The following SPIN2A variants were observed in gnomAD, a reference collection of about 807,000 sequenced individuals.
The protein encoded by SPIN2A is spindlin family member 2A.
A neutral mutation model predicts 9.2 loss-of-function variants in SPIN2A; 4 were observed. The observed-to-expected ratio is 0.44, with a 90% CI of 0.21 to 1.00. The LOEUF is 1.00. SPIN2A is among the 50% of genes least tolerant of loss of function. SPIN2A has a pLI of 0.26. For missense variants in SPIN2A, 77 were observed against 172.8 expected, an observed-to-expected ratio of 0.45 and a Z score of 3.11; for synonymous variants, 25 against 61.2, an observed-to-expected ratio of 0.41 and a Z score of 2.76.
At chrX:57,141,478 A>AT (rs1800498769), upstream of SPIN2A, among the ~76,000 whole-genome samples, 1 of 111,460 alleles carries the variant, frequency 9.0e-6, no homozygotes, top group Admixed American at 9.5e-5. Flanking sequence ...CTCCTATTTG[A>AT]TTTTTTGGAA....
chrX:57,137,397 G>C lies in SPIN2A; in HGVS notation c.-143C>G. The C allele has an allele frequency of 2.7e-6, 2 of 740,534 alleles. No individual in the cohort carries two copies. Among genetic ancestry groups the C allele is most frequent in the Non-Finnish European group, 3.2e-6 (2 of 626,258 alleles). 61.0% of individuals were successfully genotyped at this position (740,534 alleles called of 1,213,427 possible). A position where few individuals can be genotyped will look rare whatever the true frequency, so the allele number is the denominator to read the frequency against. ...AGGAGCGCGGCGAGACAGGCAAAGA[G>C]CACTGCAGCGGTGTCCCCAGCGCTT... On this transcript the variant is annotated 5_prime_UTR_variant, in exon 1 of 2. Coordinates refer to ENST00000374906, the MANE Select transcript of SPIN2A (RefSeq NM_019003.5).
downstream of SPIN2A, chrX:57,135,421 T>C: frequency 5.5e-6 from 1 of 181,949 alleles, no homozygotes; most frequent in Non-Finnish European, 1.0e-5. Context: ...TTCCACCTCT[T>C]CCTAAGCAGT....
chrX:57,140,472 G>A (rs1927970044), upstream of SPIN2A, among the ~76,000 whole-genome samples: 1 of 104,508 alleles, frequency 9.6e-6, no homozygotes, highest in African/African-American at 3.5e-5. Context: ...GCAGGTGCCT[G>A]TAGTCCCAGC....
upstream of SPIN2A, among the ~76,000 whole-genome samples, chrX:57,139,932 A>G (rs67696518): frequency 0.29 from 32,171 of 111,044 alleles, 3,600 homozygotes; most frequent in Middle Eastern, 0.57. Context: ...GAGTTTATGT[A>G]TATGTAGATA....
the SPIN2A span, among the ~76,000 whole-genome samples, chrX:57,147,003 C>G: frequency 9.0e-6 from 1 of 111,244 alleles, no homozygotes; most frequent in Non-Finnish European, 1.9e-5. Flanking sequence ...CTATATTAGT[C>G]AGGGATATTG....
chrX:57,145,646 G>C, the SPIN2A span, among the ~76,000 whole-genome samples: 1 of 112,027 alleles, frequency 8.9e-6, no homozygotes, highest in Non-Finnish European at 1.9e-5. Context: ...CCAATGTCTA[G>C]AAGGATTTCT....
chrX:57,145,865 T>C, the SPIN2A span, among the ~76,000 whole-genome samples: 5 of 111,853 alleles, frequency 4.5e-5, no homozygotes, highest in South Asian at 1.5e-3. Flanking sequence ...TTCAGTTGGC[T>C]GTAGGCATTT....
rs1927687218 is a variant in SPIN2A, at chrX:57,135,826, A to G, written c.772T>C (p.Ser258Pro). ...HIYVYDLVKK[S>P] ...GCCAAATTTTACCCTAACAGTTAGG[A>G]CTTTTTCACCAAATCGTAGACATAG... is the stretch of plus-strand genomic sequence containing the variant. Residue 258 changes from serine (S) to proline (P), a missense_variant, in exon 2 of 2, where the codon TCC becomes CCC. This residue lies in a region of SPIN2A where 36 missense variants were observed against 47.6 expected (regional missense o/e 0.76). Coordinates refer to ENST00000374906, the MANE Select transcript of SPIN2A (RefSeq NM_019003.5). The G allele has an allele frequency of 1.0e-5, 12 of 1,166,750 alleles. No individual in the cohort carries two copies. Among genetic ancestry groups the G allele is most frequent in the Non-Finnish European group, 1.4e-5 (12 of 878,205 alleles).
chrX:57,140,598 CAA>C (rs56693403), upstream of SPIN2A, among the ~76,000 whole-genome samples: 18,495 of 58,226 alleles, frequency 0.32, 1,833 homozygotes, highest in Middle Eastern at 0.53. Flanking sequence ...GACCCCGTCT[CAA>C]AAAAAAAAAA....
chrX:57,145,255 G>T, the SPIN2A span, among the ~76,000 whole-genome samples: 7 of 60,032 alleles, frequency 1.2e-4, no homozygotes, highest in Non-Finnish European at 1.9e-4. Context: ...CATTCTTTTG[G>T]GGGGGGGTAA....
the SPIN2A span, among the ~76,000 whole-genome samples, chrX:57,145,076 A>G: frequency 9.0e-6 from 1 of 111,263 alleles, no homozygotes; most frequent in Non-Finnish European, 1.9e-5. Context: ...TTCTGTGGGT[A>G]GTGGGATTGC....
At chrX:57,135,243 C>G (rs1445973660), downstream of SPIN2A, 1 of 122,858 alleles carries the variant, frequency 8.1e-6, no homozygotes, top group Non-Finnish European at 1.7e-5. Context: ...CTCCACCTTA[C>G]TCTGGACCCT....
At chrX:57,136,929 C>T (rs991001334) in intron 1 of SPIN2A, 13 of 757,286 alleles carry the variant, frequency 1.7e-5, no homozygotes, top group East Asian at 4.6e-5. Flanking sequence ...CCCTGCAAAG[C>T]GGCCTTGACC....
At chrX:57,144,113 T>C in the SPIN2A span, among the ~76,000 whole-genome samples, 1 of 112,217 alleles carries the variant, frequency 8.9e-6, no homozygotes, top group Non-Finnish European at 1.9e-5. Context: ...TTTTTCCTTC[T>C]GCACTTTCAA....
chrX:57,135,480 G>GC (rs5902563), downstream of SPIN2A: 3,789 of 248,108 alleles, frequency 0.015, 138 homozygotes, highest in African/African-American at 0.1. Context: ...TCCTTCCCCT[G>GC]CCCCCTCCAG....
upstream of SPIN2A, among the ~76,000 whole-genome samples, chrX:57,139,459 C>T (rs184514033): frequency 1.8e-5 from 2 of 110,956 alleles, no homozygotes; most frequent in African/African-American, 6.6e-5. Context: ...TTTTTGTTTG[C>T]TTGTTTGTTT....
At chrX:57,140,586 G>A (rs1347065154), upstream of SPIN2A, among the ~76,000 whole-genome samples, 3 of 80,112 alleles carry the variant, frequency 3.7e-5, no homozygotes, top group Non-Finnish European at 6.7e-5. Flanking sequence ...GCAACAGAGC[G>A]AGACCCCGTC....
chrX:57,143,085 G>C, the SPIN2A span, among the ~76,000 whole-genome samples: 14 of 111,185 alleles, frequency 1.3e-4, no homozygotes, highest in South Asian at 1.1e-3. Context: ...CTTTTGATTA[G>C]ATCATTTATT....
intron 1 of SPIN2A, 48 bp downstream of exon 1, chrX:57,137,212 G>A (rs371005349): frequency 6.1e-5 from 46 of 758,271 alleles, no homozygotes; most frequent in Non-Finnish European, 6.5e-5. Flanking sequence ...TGCCCTGCCT[G>A]GCGTCCACCG....
Sources: gnomAD v4.1 joint callset for allele counts (sites outside exome capture counted in the v4.1 genomes callset) on GRCh38, gnomAD v4.1.1 for gene constraint, gnomAD v4.1.1 regional missense constraint, MANE v1.5 for transcripts, NCBI Gene and HGNC (gene_info 2026-07-23, HGNC 2026-07-21) for gene names.